The following KIF15 variants were observed in gnomAD, a reference collection of about 807,000 sequenced individuals.
KIF15 encodes kinesin-like protein KIF15.
Under a neutral mutation model 190.6 loss-of-function variants are expected in KIF15, and 140 were observed. The observed-to-expected ratio is 0.73, with a 90% confidence interval of 0.64 to 0.84. The LOEUF is 0.84. Ranked by LOEUF, KIF15 falls within the 40% of genes least tolerant of loss-of-function variation. The pLI is 0.00. For synonymous variants in KIF15, 528 were observed against 551.3 expected, an observed-to-expected ratio of 0.96 and a Z score of 0.59; for missense variants, 1,372 against 1,584.4, an observed-to-expected ratio of 0.87 and a Z score of 2.28.
chr3:44,797,928 C>T lies in KIF15; in HGVS notation c.1070C>T (p.Ala357Val). The T allele has an allele frequency of 6.2e-7, 1 of 1,613,440 alleles. No homozygotes were observed. The highest frequency in any genetic ancestry group is 1.3e-5 in the African/African-American group (1 of 75,038). Reference protein sequence around the residue: ...FGETLSTLNFAQRAKLIKNKA... With the variant: ...FGETLSTLNFVQRAKLIKNKA... ...GAAACCCTATCAACACTTAACTTTG[C>T]TCAAAGAGCCAAGCTGATTAAAAAC... Residue 357 changes from alanine (A) to valine (V), a missense_variant, in exon 10 of 35, where the codon GCT (alanine) becomes GTT (valine). Coordinates refer to ENST00000326047, the MANE Select transcript of KIF15 (RefSeq NM_020242.3).
chr3:44,850,694 G>T (rs190831174), intron 32 of KIF15, among the ~76,000 whole-genome samples: 1 of 152,142 alleles, frequency 6.6e-6, no homozygotes, highest in Admixed American at 6.5e-5. Flanking sequence ...AATTGGGAGA[G>T]CATCAGTGCC....
At chr3:44,830,324 A>G (rs1252656423) in intron 25 of KIF15, among the ~76,000 whole-genome samples, 3 of 152,188 alleles carry the variant, frequency 2.0e-5, no homozygotes, top group South Asian at 2.1e-4. Flanking sequence ...ATCTGGGACA[A>G]TGTTCTCTGT....
chr3:44,793,959 C>T (rs1160535302), intron 7 of KIF15, among the ~76,000 whole-genome samples: 1 of 151,012 alleles, frequency 6.6e-6, no homozygotes, highest in African/African-American at 2.4e-5. Flanking sequence ...TGGCTCACTG[C>T]AGCCTTGAAT....
At chr3:44,787,420 G>A (rs561513249) in intron 7 of KIF15, among the ~76,000 whole-genome samples, 9 of 151,870 alleles carry the variant, frequency 5.9e-5, no homozygotes, top group Non-Finnish European at 1.3e-4. Flanking sequence ...TGAAATCTAC[G>A]TTGCATTTCA....
chr3:44,841,128 C>A lies in KIF15; in HGVS notation c.3475C>A (p.Gln1159Lys), dbSNP rs144715957. ...QTHLAKLLETQEQEIEDGRAS... is the reference protein window; with the variant it reads ...QTHLAKLLETKEQEIEDGRAS... ...ACATTTGGCAAAACTCCTGGAAACA[C>A]AAGAACAAGAGATAGAAGATGGAAG... The change falls in exon 29 of 35, where the codon CAA (glutamine) becomes AAA (lysine). Residue 1159 changes from glutamine (Q) to lysine (K), a missense_variant. Gln to Lys is a moderately conservative substitution (Grantham distance 53). Transcript: ENST00000326047. 1.9e-6 allele frequency: 3 copies of A among 1,613,466 alleles called. No individual in the cohort carries two copies. Among genetic ancestry groups the A allele is most frequent in the Non-Finnish European group, 2.5e-6 (3 of 1,179,618 alleles).
At chr3:44,805,703 A>G in intron 15 of KIF15, 142 bp from the exon 16 acceptor site, 1 of 827,628 alleles carries the variant, frequency 1.2e-6, no homozygotes, top group Admixed American at 2.4e-5. Context: ...CTGGAGAATG[A>G]TGGGAATAAT....
At chr3:44,765,597 C>G (rs1705340610) in intron 1 of KIF15, among the ~76,000 whole-genome samples, 1 of 152,066 alleles carries the variant, frequency 6.6e-6, no homozygotes, top group Non-Finnish European at 1.5e-5. Flanking sequence ...TTAACAATGC[C>G]CTGGGCATAA....
At position 44,761,900 on chromosome 3, in the gene KIF15, C is replaced by T. The variant is rs1705159957; in HGVS notation, c.19+16C>T. Reference sequence around the variant, plus strand: ...GGCTGCAAAAGTAAGTCTGGGCCCCCGGCTTCGTTACCCTATTTTTGCCCC... The same window carrying T: ...GGCTGCAAAAGTAAGTCTGGGCCCCTGGCTTCGTTACCCTATTTTTGCCCC... On this transcript the variant is annotated intron_variant, in intron 1 of 34. Transcript: ENST00000326047. The T allele has an allele frequency of 6.2e-7, 1 of 1,614,058 alleles. No homozygotes were observed. The highest frequency in any genetic ancestry group is 1.7e-5 in the Admixed American group (1 of 60,004).
At chr3:44,806,504 A>C (rs564679057) in intron 16 of KIF15, among the ~76,000 whole-genome samples, 1 of 152,330 alleles carries the variant, frequency 6.6e-6, no homozygotes, top group African/African-American at 2.4e-5. Flanking sequence ...CCCTCATAAA[A>C]GAAAAAAAAA....
intron 20 of KIF15, among the ~76,000 whole-genome samples, chr3:44,818,547 A>C (rs1025797106): frequency 6.6e-6 from 1 of 152,156 alleles, no homozygotes; most frequent in Non-Finnish European, 1.5e-5. Context: ...GATTGCATTT[A>C]TTGATTTGCG....
At chr3:44,864,515 A>G (rs1699299697) in intron 6 of KIF15, among the ~76,000 whole-genome samples, 2 of 152,248 alleles carry the variant, frequency 1.3e-5, no homozygotes, top group Middle Eastern at 3.4e-3. Flanking sequence ...TGTAATTCTA[A>G]TCATGGAAGA....
Position 44,838,353 on chromosome 3 carries a change from G to A in KIF15, c.3250G>A (p.Gly1084Arg), listed in dbSNP as rs999594667. 6.2e-7 allele frequency: 1 copy of A among 1,613,898 alleles called. No individual in the cohort carries two copies. The highest frequency in any genetic ancestry group is 8.5e-7 in the Non-Finnish European group (1 of 1,179,968). Residue 1084 changes from glycine to arginine, a missense_variant, in exon 27 of 35, where the codon GGG (glycine) becomes AGG (arginine). By Grantham distance (125) the Gly-to-Arg change is moderately radical. Coordinates refer to ENST00000326047, the MANE Select transcript of KIF15 (RefSeq NM_020242.3). Reference sequence around the variant, plus strand: ...CACAGAGGCCTCAAAAAAACACTCGGGGCTGCTGCAGTCTGCCCAGGAAGA... The same window carrying A: ...CACAGAGGCCTCAAAAAAACACTCGAGGCTGCTGCAGTCTGCCCAGGAAGA... ...MLTEASKKHSGLLQSAQEELT... is the reference protein window; with the variant it reads ...MLTEASKKHSRLLQSAQEELT...
At chr3:44,855,824 G>A (rs1699182373), downstream of KIF15, among the ~76,000 whole-genome samples, 1 of 152,162 alleles carries the variant, frequency 6.6e-6, no homozygotes, top group African/African-American at 2.4e-5. Context: ...AGAATTGGGA[G>A]GACGCAGGAC....
chr3:44,814,220 G>A (rs1264470488), intron 19 of KIF15, among the ~76,000 whole-genome samples: 1 of 152,168 alleles, frequency 6.6e-6, no homozygotes. Context: ...GAAAGTTTAG[G>A]CAAATTTCCA....
chr3:44,814,451 A>G (rs1036667970), intron 19 of KIF15, among the ~76,000 whole-genome samples: 4 of 152,140 alleles, frequency 2.6e-5, no homozygotes, highest in African/African-American at 9.7e-5. Flanking sequence ...ATGGGACCAC[A>G]GGTGCTCACC....
At chr3:44,843,257 C>A (rs764952740) in intron 30 of KIF15, 23 bp downstream of exon 30, 1 of 1,506,424 alleles carries the variant, frequency 6.6e-7, no homozygotes. Flanking sequence ...CACGAGAACT[C>A]TATGGGCTAA....
chr3:44,852,936 A>G lies in KIF15; in HGVS notation c.*201A>G, dbSNP rs1699113881. Reference sequence around the variant, plus strand: ...ACCCTGTGACAGTCAGCAGTCTGCTATTAAGTGGCCTACTTCAAGGCTTTG... The same window carrying G: ...ACCCTGTGACAGTCAGCAGTCTGCTGTTAAGTGGCCTACTTCAAGGCTTTG... On this transcript the variant is annotated 3_prime_UTR_variant, in exon 35 of 35. Transcript: ENST00000326047. 7.2e-6 allele frequency: 3 copies of G among 416,248 alleles called. No individual in the cohort carries two copies. The highest frequency in any genetic ancestry group is 6.3e-5 in the South Asian group (1 of 15,866). The allele number at this position is 416,248 out of a possible 1,614,324, so 25.8% of individuals were successfully genotyped here.
At chr3:44,838,491 C>G (rs878965949) in intron 27 of KIF15, 70 bp downstream of exon 27, 1 of 1,499,042 alleles carries the variant, frequency 6.7e-7, no homozygotes, top group South Asian at 1.3e-5. Flanking sequence ...CTCCTGTAAT[C>G]CCAGCACTTT....
At chr3:44,852,135 A>G (rs1699083176) in intron 33 of KIF15, 73 bp from the exon 34 acceptor site, 1 of 1,537,130 alleles carries the variant, frequency 6.5e-7, no homozygotes, top group East Asian at 2.3e-5. Flanking sequence ...CTGGAAGGCA[A>G]GAAATAATGT....
Sources: allele counts gnomAD v4.1 joint callset (sites outside exome capture counted in the v4.1 genomes callset), GRCh38; gene constraint gnomAD v4.1.1; transcripts MANE v1.5; gene names NCBI Gene and HGNC (gene_info 2026-07-23, HGNC 2026-07-21).